The following STPG2 variants were observed in gnomAD, a reference collection of about 807,000 sequenced individuals.
STPG2 encodes sperm-tail PG-rich repeat-containing protein 2.
STPG2 carries 56 observed loss-of-function variants against 54.2 expected under a neutral mutation model. That is an observed-to-expected ratio of 1.03 (90% confidence interval 0.83 to 1.29). The LOEUF is 1.29. Among genes scored for constraint, STPG2 ranks in the 50% most tolerant of loss-of-function variants. The pLI is 0.00. For missense variants in STPG2, 596 were observed against 544.9 expected, an observed-to-expected ratio of 1.09 and a Z score of -0.93; for synonymous variants, 200 against 181.8, an observed-to-expected ratio of 1.10 and a Z score of -0.81.
intron 4 of STPG2, among the ~76,000 whole-genome samples, chr4:97,540,619 A>T (rs1320759685): frequency 1.3e-5 from 2 of 152,208 alleles, no homozygotes; most frequent in Non-Finnish European, 2.9e-5. Context: ...TCCCTCTTTT[A>T]TGAGGCCAGC....
At chr4:98,106,846 A>T (rs1286938857) in intron 4 of STPG2, among the ~76,000 whole-genome samples, 1 of 152,188 alleles carries the variant, frequency 6.6e-6, no homozygotes, top group Non-Finnish European at 1.5e-5. Flanking sequence ...TCACATTTAA[A>T]CAGGCTATAC....
At chr4:97,778,357 C>A (rs751958586) in intron 9 of STPG2, among the ~76,000 whole-genome samples, 14 of 152,118 alleles carry the variant, frequency 9.2e-5, no homozygotes, top group Non-Finnish European at 1.5e-4. Flanking sequence ...AGTCTGAGAT[C>A]GAATGGCAAG....
chr4:97,661,830 G>A (rs897364704), intron 10 of STPG2, among the ~76,000 whole-genome samples: 1 of 152,052 alleles, frequency 6.6e-6, no homozygotes, highest in African/African-American at 2.4e-5. Flanking sequence ...GATCTATCAA[G>A]AACAAGTATT....
intron 8 of STPG2, among the ~76,000 whole-genome samples, chr4:97,942,135 G>A (rs1167686934): frequency 2.7e-5 from 4 of 149,716 alleles, no homozygotes; most frequent in African/African-American, 7.3e-5. Flanking sequence ...ATATATATAT[G>A]TGTGTATATA....
chr4:98,032,309 C>G, intron 5 of STPG2, among the ~76,000 whole-genome samples: 1 of 152,122 alleles, frequency 6.6e-6, no homozygotes, highest in East Asian at 1.9e-4. Context: ...ACCATGGAAC[C>G]AACCCAAATG....
At chr4:98,003,996 GTGTGTGTGTGTA>G (rs1351270105) in intron 5 of STPG2, among the ~76,000 whole-genome samples, 11 of 150,322 alleles carry the variant, frequency 7.3e-5, no homozygotes, top group Admixed American at 4.7e-4. Context: ...ACATAACTAC[GTGTGTGTGTGTA>G]TGTGTGTGTG....
intron 5 of STPG2, among the ~76,000 whole-genome samples, chr4:98,078,462 G>T (rs1029318066): frequency 2.0e-5 from 3 of 151,870 alleles, no homozygotes; most frequent in African/African-American, 7.3e-5. Context: ...TATGTAAAGA[G>T]TAACTATCTC....
chr4:97,761,736 C>A (rs1468505381), intron 9 of STPG2, among the ~76,000 whole-genome samples: 1 of 152,096 alleles, frequency 6.6e-6, no homozygotes, highest in Non-Finnish European at 1.5e-5. Flanking sequence ...TAAGAAAGAA[C>A]AAGATAAATC....
intron 9 of STPG2, among the ~76,000 whole-genome samples, chr4:97,714,826 T>A (rs1481737803): frequency 6.6e-6 from 1 of 152,148 alleles, no homozygotes; most frequent in Non-Finnish European, 1.5e-5. Flanking sequence ...ACCGTAAAGA[T>A]ATATAAAGGT....
Position 98,045,766 on chromosome 4 carries a change from C to A in STPG2, c.612+60187G>T, listed in dbSNP as rs190018167. On this transcript the variant is annotated intron_variant, in intron 5 of 10. Transcript: ENST00000295268. ...GATTGTCTTATGGCGCTCCCATGTA[C>A]ACAAGTTGCTTTTCTCTAGCTGCTT... 4.0e-3 allele frequency among the ~76,000 whole-genome samples: 603 copies of A among 152,128 alleles called. 9 individuals carry two copies. Among genetic ancestry groups the A allele is most frequent in the Non-Finnish European group, 5.4e-3 (364 of 68,000 alleles).
At chr4:97,527,935 C>T (rs754440390) in intron 4 of STPG2, among the ~76,000 whole-genome samples, 1 of 151,946 alleles carries the variant, frequency 6.6e-6, no homozygotes, top group Non-Finnish European at 1.5e-5. Context: ...AAATTTTTCT[C>T]CCATTCTTTA....
intron 4 of STPG2, among the ~76,000 whole-genome samples, chr4:97,521,805 G>A (rs373542892): frequency 2.6e-5 from 4 of 151,752 alleles, no homozygotes; most frequent in East Asian, 1.9e-4. Flanking sequence ...TTAAAAATAG[G>A]GAGGTTAAAA....
intron 9 of STPG2, among the ~76,000 whole-genome samples, chr4:97,715,402 T>A (rs1724255179): frequency 6.6e-6 from 1 of 152,132 alleles, no homozygotes; most frequent in African/African-American, 2.4e-5. Context: ...GTGATTCTTA[T>A]AATTGCATAT....
intron 7 of STPG2, among the ~76,000 whole-genome samples, chr4:97,953,608 C>A (rs1441354763): frequency 1.3e-5 from 2 of 152,250 alleles, no homozygotes; most frequent in Non-Finnish European, 2.9e-5. Flanking sequence ...AAAATGCCTG[C>A]AAGGCTCTTC....
At chr4:97,605,688 C>G (rs1733574585) in intron 10 of STPG2, among the ~76,000 whole-genome samples, 1 of 151,486 alleles carries the variant, frequency 6.6e-6, no homozygotes, top group African/African-American at 2.4e-5. Flanking sequence ...ATACTAGAAT[C>G]ATTATGATTC....
intron 9 of STPG2, among the ~76,000 whole-genome samples, chr4:97,750,316 G>T (rs1361035476): frequency 6.6e-6 from 1 of 151,750 alleles, no homozygotes; most frequent in Non-Finnish European, 1.5e-5. Flanking sequence ...CAACTACTTA[G>T]CCCTCAAGAG....
chr4:97,526,950 T>G (rs1179712061), intron 4 of STPG2, among the ~76,000 whole-genome samples: 1 of 152,040 alleles, frequency 6.6e-6, no homozygotes, highest in Non-Finnish European at 1.5e-5. Flanking sequence ...CCCCATTGCT[T>G]GTCAGAGTGC....
intron 10 of STPG2, among the ~76,000 whole-genome samples, chr4:97,613,329 G>C (rs887714660): frequency 1.3e-5 from 2 of 152,058 alleles, no homozygotes; most frequent in African/African-American, 2.4e-5. Flanking sequence ...GTGATTGCGT[G>C]ATTGTGTGAT....
intron 9 of STPG2, among the ~76,000 whole-genome samples, chr4:97,781,758 G>A (rs1187694555): frequency 6.6e-6 from 1 of 152,090 alleles, no homozygotes; most frequent in Non-Finnish European, 1.5e-5. Flanking sequence ...TTCATCCCTG[G>A]GATGCAAGTC....
Sources: allele counts gnomAD v4.1 joint callset (sites outside exome capture counted in the v4.1 genomes callset), GRCh38; gene constraint gnomAD v4.1.1; transcripts MANE v1.5; gene names NCBI Gene and HGNC (gene_info 2026-07-23, HGNC 2026-07-21).